The following CTNND2 variants were observed in gnomAD, a reference collection of about 807,000 sequenced individuals.
CTNND2 encodes catenin delta 2.
A neutral mutation model predicts 144.4 loss-of-function variants in CTNND2; 22 were observed. The ratio of observed to expected loss-of-function variants is 0.15; its 90% CI spans 0.11 to 0.22. The LOEUF is 0.22. CTNND2 is among the 10% of genes least tolerant of loss of function. The pLI is 1.00. For synonymous variants in CTNND2, 751 were observed against 695.6 expected (o/e 1.08, Z -1.25); for missense variants, 1,353 against 1,618.8 (o/e 0.84, Z 2.82).
At chr5:10,997,077 G>A (rs1370886998) in intron 18 of CTNND2, among the ~76,000 whole-genome samples, 1 of 151,908 alleles carries the variant, frequency 6.6e-6, no homozygotes, top group Non-Finnish European at 1.5e-5. Flanking sequence ...AGAGATGAAG[G>A]GTGTAAGTTA....
At chr5:11,224,493 G>A (rs1250572372) in intron 10 of CTNND2, among the ~76,000 whole-genome samples, 1 of 152,102 alleles carries the variant, frequency 6.6e-6, no homozygotes, top group Non-Finnish European at 1.5e-5. Flanking sequence ...TTCCCTGGCT[G>A]TATTTAAACA....
chr5:11,667,693 A>C (rs1268531872), intron 2 of CTNND2, among the ~76,000 whole-genome samples: 6 of 152,060 alleles, frequency 3.9e-5, no homozygotes, highest in Non-Finnish European at 5.9e-5. Context: ...GGATTGCAAA[A>C]ATTTTCTCCC....
At chr5:11,088,784 T>C (rs1005692145) in intron 15 of CTNND2, among the ~76,000 whole-genome samples, 1 of 152,238 alleles carries the variant, frequency 6.6e-6, no homozygotes, top group African/African-American at 2.4e-5. Context: ...AGATAGTGTG[T>C]TTTATTTTCT....
At chr5:11,693,134 G>A (rs117690569) in intron 2 of CTNND2, among the ~76,000 whole-genome samples, 2,035 of 152,202 alleles carry the variant, frequency 0.013, 20 homozygotes, top group East Asian at 0.058. Flanking sequence ...AAAATTCCTC[G>A]TAAGGTGAAA....
chr5:11,822,581 A>G (rs1561834476), intron 1 of CTNND2, among the ~76,000 whole-genome samples: 1 of 152,012 alleles, frequency 6.6e-6, no homozygotes, highest in Non-Finnish European at 1.5e-5. Flanking sequence ...CGTTGATGGG[A>G]TTATCATTAC....
At chr5:11,630,895 A>G (rs1413265606) in intron 2 of CTNND2, among the ~76,000 whole-genome samples, 5 of 151,936 alleles carry the variant, frequency 3.3e-5, no homozygotes, top group Admixed American at 1.3e-4. Flanking sequence ...TGGAGGCTGC[A>G]GTGAGCCAAG....
chr5:11,161,391 G>C (rs187306456), intron 11 of CTNND2, among the ~76,000 whole-genome samples: 10 of 152,278 alleles, frequency 6.6e-5, no homozygotes, highest in Non-Finnish European at 7.3e-5. Context: ...GTGCTCAATG[G>C]TACACAGAAG....
At chr5:11,474,417 G>GAATC (rs1767527350) in intron 3 of CTNND2, among the ~76,000 whole-genome samples, 2 of 152,082 alleles carry the variant, frequency 1.3e-5, no homozygotes, top group Admixed American at 1.3e-4. Context: ...ATAACAGTAA[G>GAATC]AATCAAGGTT....
intron 1 of CTNND2, among the ~76,000 whole-genome samples, chr5:11,897,951 T>C (rs553689358): frequency 6.6e-6 from 1 of 152,344 alleles, no homozygotes; most frequent in East Asian, 1.9e-4. Context: ...TCACTTTCTC[T>C]GCCTCTGAAG....
intron 16 of CTNND2, among the ~76,000 whole-genome samples, chr5:11,059,968 A>C (rs1259476333): frequency 6.6e-6 from 1 of 152,026 alleles, no homozygotes; most frequent in Non-Finnish European, 1.5e-5. Context: ...AAAAAGGAAG[A>C]AGTAAAATAT....
chr5:11,020,121 A>C (rs952775163), intron 17 of CTNND2, among the ~76,000 whole-genome samples: 4 of 152,182 alleles, frequency 2.6e-5, no homozygotes, highest in Non-Finnish European at 4.4e-5. Flanking sequence ...ATCACAGAAC[A>C]CTAGCCCCCT....
At chr5:11,751,990 T>C (rs1788650040) in intron 1 of CTNND2, among the ~76,000 whole-genome samples, 1 of 151,816 alleles carries the variant, frequency 6.6e-6, no homozygotes, top group Non-Finnish European at 1.5e-5. Flanking sequence ...TTTCATAAAT[T>C]GTTGGCTGTG....
At chr5:11,504,848 G>A (rs1168840457) in intron 3 of CTNND2, among the ~76,000 whole-genome samples, 1 of 152,126 alleles carries the variant, frequency 6.6e-6, no homozygotes, top group Non-Finnish European at 1.5e-5. Context: ...GTGTGACAGT[G>A]ACCCTGTAGC....
chr5:11,153,657 A>G (rs1757953788), intron 12 of CTNND2, among the ~76,000 whole-genome samples: 1 of 152,218 alleles, frequency 6.6e-6, no homozygotes, highest in African/African-American at 2.4e-5. Flanking sequence ...TTACAATCGT[A>G]AGCAAAGGCA....
chr5:11,420,897 G>A (rs1392734086), intron 3 of CTNND2, among the ~76,000 whole-genome samples: 1 of 152,100 alleles, frequency 6.6e-6, no homozygotes, highest in Middle Eastern at 3.2e-3. Flanking sequence ...CTCAAAGCCT[G>A]GTATATCTTG....
chr5:11,748,002 A>C (rs1788405757), intron 1 of CTNND2, among the ~76,000 whole-genome samples: 1 of 152,132 alleles, frequency 6.6e-6, no homozygotes, highest in Non-Finnish European at 1.5e-5. Flanking sequence ...ATGGGCAGTC[A>C]AGCACAAAAA....
At chr5:11,337,771 C>A (rs1753872287) in intron 9 of CTNND2, among the ~76,000 whole-genome samples, 1 of 151,928 alleles carries the variant, frequency 6.6e-6, no homozygotes. Flanking sequence ...TATTGGGGAC[C>A]TTAAAATTCA....
chr5:11,078,991 A>G (rs2149627689), intron 16 of CTNND2, among the ~76,000 whole-genome samples: 1 of 152,354 alleles, frequency 6.6e-6, no homozygotes, highest in African/African-American at 2.4e-5. Flanking sequence ...TGCAGTGAAT[A>G]AATAAATGGC....
intron 1 of CTNND2, among the ~76,000 whole-genome samples, chr5:11,882,039 T>G (rs532613670): frequency 7.2e-5 from 11 of 152,154 alleles, no homozygotes; most frequent in Admixed American, 3.9e-4. Flanking sequence ...TCTTTTTGAT[T>G]ATTTGCCCAT....
Sources: allele counts gnomAD v4.1 joint callset (sites outside exome capture counted in the v4.1 genomes callset), GRCh38; gene constraint gnomAD v4.1.1; transcripts MANE v1.5; gene names NCBI Gene and HGNC (gene_info 2026-07-23, HGNC 2026-07-21).